Variants in EPHA6 observed in about 807,000 individuals in gnomAD.
EPHA6 encodes the protein ephrin type-A receptor 6.
A neutral mutation model predicts 112.0 loss-of-function variants in EPHA6; 50 were observed. That is an observed-to-expected ratio of 0.45 (90% CI 0.36 to 0.56). The LOEUF (loss-of-function observed/expected upper bound fraction) is 0.56, where lower values mean the gene tolerates loss of function less well. Among genes scored for constraint, EPHA6 ranks in the 20% least tolerant of loss-of-function variants. EPHA6 has a pLI of 0.00. For missense variants in EPHA6, 1,280 were observed against 1,417.4 expected, an observed-to-expected ratio of 0.90 and a Z score of 1.56; for synonymous variants, 529 against 490.7, an observed-to-expected ratio of 1.08 and a Z score of -1.03.
At chr3:97,736,474 T>A (rs974195669) in intron 16 of EPHA6, among the ~76,000 whole-genome samples, 140 of 144,430 alleles carry the variant, frequency 9.7e-4, no homozygotes, top group African/African-American at 2.9e-3. Flanking sequence ...AGAGAGAGTG[T>A]GTGTGTGTGT....
chr3:97,366,062 ACTATCT>A (rs2084708563), intron 5 of EPHA6, among the ~76,000 whole-genome samples: 1 of 152,160 alleles, frequency 6.6e-6, no homozygotes, highest in Non-Finnish European at 1.5e-5. Flanking sequence ...AATTAAGCAG[ACTATCT>A]CTATATCAGC....
At chr3:97,492,725 A>C (rs1352516401) in intron 10 of EPHA6, among the ~76,000 whole-genome samples, 1 of 151,624 alleles carries the variant, frequency 6.6e-6, no homozygotes, top group East Asian at 1.9e-4. Flanking sequence ...TGTTGTTCAA[A>C]GAATGTAAAG....
intron 1 of EPHA6, among the ~76,000 whole-genome samples, chr3:96,824,327 A>C (rs1380383847): frequency 6.6e-6 from 1 of 151,876 alleles, no homozygotes; most frequent in Non-Finnish European, 1.5e-5. Flanking sequence ...AAATCAGATA[A>C]AATTTTAAAC....
intron 16 of EPHA6, among the ~76,000 whole-genome samples, chr3:97,738,426 G>A (rs1245998821): frequency 6.6e-6 from 1 of 152,048 alleles, no homozygotes; most frequent in Non-Finnish European, 1.5e-5. Flanking sequence ...CTGTGCTATA[G>A]CTATAGAAGC....
chr3:97,036,469 G>T (rs2045099931), intron 3 of EPHA6, among the ~76,000 whole-genome samples: 1 of 151,940 alleles, frequency 6.6e-6, no homozygotes, highest in African/African-American at 2.4e-5. Context: ...TGAGCTGTGA[G>T]TGTTTTTTGC....
intron 2 of EPHA6, among the ~76,000 whole-genome samples, chr3:96,973,635 C>G (rs1433396115): frequency 3.3e-5 from 5 of 151,094 alleles, no homozygotes; most frequent in Admixed American, 6.6e-5. Context: ...ACCAGTTTGG[C>G]CAACATGGTG....
Position 96,814,805 on chromosome 3 carries a change from A to C in EPHA6, c.182A>C (p.Glu61Ala), listed in dbSNP as rs777923833. ...AGRVEEEEEE[E>A]EEDVDKDPHP... ...CGGGTGGAGGAGGAAGAGGAGGAGGAGGAAGAAGACGTGGACAAGGACCCC... is the reference window on the plus strand; with the variant it reads ...CGGGTGGAGGAGGAAGAGGAGGAGGCGGAAGAAGACGTGGACAAGGACCCC... Residue 61 changes from glutamate (E) to alanine (A), a missense_variant, in exon 1 of 18, where the codon GAG becomes GCG. This residue lies in a region of EPHA6 where 220 missense variants were observed against 171.5 expected (regional missense o/e 1.28). Coordinates refer to ENST00000389672, the MANE Select transcript of EPHA6 (RefSeq NM_001080448.3). 12 of 1,600,484 alleles carry C rather than the reference A, an allele frequency of 7.5e-6. No homozygotes were observed. The highest frequency in any genetic ancestry group is 1.0e-5 in the Non-Finnish European group (12 of 1,172,820).
intron 2 of EPHA6, among the ~76,000 whole-genome samples, chr3:96,904,652 AT>A (rs1169986019): frequency 6.6e-6 from 1 of 152,012 alleles, no homozygotes; most frequent in Non-Finnish European, 1.5e-5. Flanking sequence ...GTTGAAGTTT[AT>A]TTTATTGAAA....
chr3:97,006,122 T>C (rs1003397737), intron 3 of EPHA6, among the ~76,000 whole-genome samples: 3 of 152,164 alleles, frequency 2.0e-5, no homozygotes, highest in African/African-American at 7.2e-5. Context: ...CAGGATGATG[T>C]TGGCTTCATA....
At chr3:97,724,601 A>G (rs2034675979) in intron 15 of EPHA6, among the ~76,000 whole-genome samples, 2 of 152,092 alleles carry the variant, frequency 1.3e-5, no homozygotes, top group African/African-American at 4.8e-5. Context: ...CCTTGTCTCT[A>G]CAAAATATAG....
chr3:97,723,963 C>T (rs892287688), intron 15 of EPHA6, among the ~76,000 whole-genome samples: 1 of 152,116 alleles, frequency 6.6e-6, no homozygotes. Context: ...CCTATCTGTC[C>T]TGCATTTCTC....
intron 3 of EPHA6, among the ~76,000 whole-genome samples, chr3:97,062,412 A>G (rs1309907255): frequency 6.6e-6 from 1 of 152,204 alleles, no homozygotes; most frequent in African/African-American, 2.4e-5. Flanking sequence ...AGAATGGGAA[A>G]AAATTTTGCA....
At chr3:97,453,619 T>G (rs1356230707) in intron 7 of EPHA6, among the ~76,000 whole-genome samples, 1 of 151,656 alleles carries the variant, frequency 6.6e-6, no homozygotes, top group Non-Finnish European at 1.5e-5. Flanking sequence ...TACATTATAG[T>G]GGGTATTTCA....
At chr3:97,206,081 G>A (rs2077706293) in intron 3 of EPHA6, among the ~76,000 whole-genome samples, 1 of 152,064 alleles carries the variant, frequency 6.6e-6, no homozygotes, top group Non-Finnish European at 1.5e-5. Flanking sequence ...TAATAGTTAT[G>A]TCTAAGCCGC....
intron 3 of EPHA6, among the ~76,000 whole-genome samples, chr3:97,058,950 C>T (rs1191660796): frequency 6.6e-6 from 1 of 152,118 alleles, no homozygotes; most frequent in African/African-American, 2.4e-5. Context: ...ACCTCAAGAG[C>T]TTGGGTTATT....
At chr3:97,091,389 G>A (rs1251340508) in intron 3 of EPHA6, among the ~76,000 whole-genome samples, 1 of 152,096 alleles carries the variant, frequency 6.6e-6, no homozygotes, top group Non-Finnish European at 1.5e-5. Context: ...CACTGGATCG[G>A]TGTTTTTAAG....
At chr3:96,955,263 CAT>C (rs1486441646) in intron 2 of EPHA6, among the ~76,000 whole-genome samples, 1 of 152,104 alleles carries the variant, frequency 6.6e-6, no homozygotes, top group African/African-American at 2.4e-5. Flanking sequence ...AGACACATCA[CAT>C]GTGTCTTTAC....
chr3:97,188,348 T>C (rs556555377), intron 3 of EPHA6, among the ~76,000 whole-genome samples: 6 of 152,022 alleles, frequency 3.9e-5, no homozygotes, highest in Non-Finnish European at 8.8e-5. Flanking sequence ...ATTTAAAAAA[T>C]ATATTTAAAG....
At position 97,666,796 on chromosome 3, in the gene EPHA6, T is replaced by A. The variant is rs559502241; in HGVS notation, c.2784+28714T>A. ...TCAATCCATAACAACCCCCTATGTCTGAGATCAGAACCAATGAGAGGTTGT... is the reference window on the plus strand; with the variant it reads ...TCAATCCATAACAACCCCCTATGTCAGAGATCAGAACCAATGAGAGGTTGT... On this transcript the variant is annotated intron_variant, in intron 14 of 17. Transcript: ENST00000389672. 5.3e-5 allele frequency among the ~76,000 whole-genome samples: 8 copies of A among 152,306 alleles called. No homozygotes were observed. In the East Asian group the frequency reaches 1.5e-3, roughly 29 times the overall value.
Sources: gnomAD v4.1 joint callset for allele counts (sites outside exome capture counted in the v4.1 genomes callset) on GRCh38, gnomAD v4.1.1 for gene constraint, gnomAD v4.1.1 regional missense constraint, MANE v1.5 for transcripts, NCBI Gene and HGNC (gene_info 2026-07-23, HGNC 2026-07-21) for gene names.